Variants in MDGA2 observed in about 807,000 individuals in gnomAD.
The protein encoded by MDGA2 is MAM domain containing glycosylphosphatidylinositol anchor 2.
A neutral mutation model predicts 117.8 loss-of-function variants in MDGA2; 40 were observed. The observed-to-expected ratio is 0.34, with a 90% CI of 0.26 to 0.44. The LOEUF (loss-of-function observed/expected upper bound fraction) is 0.44. MDGA2 is among the 20% of genes least tolerant of loss of function. The pLI is 1.00. For missense variants in MDGA2, 1,123 were observed against 1,250.6 expected, an observed-to-expected ratio of 0.90 and a Z score of 1.54; for synonymous variants, 452 against 439.0, an observed-to-expected ratio of 1.03 and a Z score of -0.37.
At chr14:47,098,331 T>A (rs959084123) in intron 5 of MDGA2, among the ~76,000 whole-genome samples, 1 of 150,026 alleles carries the variant, frequency 6.7e-6, no homozygotes. Context: ...GGGAAAGACA[T>A]GAAGTGCCTG....
At chr14:47,423,908 T>C (rs781374602) in intron 1 of MDGA2, among the ~76,000 whole-genome samples, 38 of 152,074 alleles carry the variant, frequency 2.5e-4, no homozygotes, top group Non-Finnish European at 4.4e-4. Context: ...GCCTCCCGGG[T>C]TCAGGCGATT....
intron 1 of MDGA2, among the ~76,000 whole-genome samples, chr14:47,593,744 G>A (rs754142629): frequency 1.3e-5 from 2 of 152,082 alleles, no homozygotes; most frequent in Non-Finnish European, 2.9e-5. Flanking sequence ...GGGAGGGTGA[G>A]CATCAGGATA....
intron 1 of MDGA2, among the ~76,000 whole-genome samples, chr14:47,341,569 C>A (rs545936061): frequency 6.6e-6 from 1 of 152,110 alleles, no homozygotes; most frequent in African/African-American, 2.4e-5. Flanking sequence ...TAGGAAGTTA[C>A]TTCAATGCAA....
intron 1 of MDGA2, among the ~76,000 whole-genome samples, chr14:47,521,537 C>T (rs574322331): frequency 6.6e-6 from 1 of 152,208 alleles, no homozygotes; most frequent in East Asian, 1.9e-4. Flanking sequence ...AATAATTTGT[C>T]CAAAGCACCA....
At chr14:47,392,824 A>C (rs1003273033) in intron 1 of MDGA2, among the ~76,000 whole-genome samples, 2 of 152,158 alleles carry the variant, frequency 1.3e-5, no homozygotes, top group Non-Finnish European at 2.9e-5. Context: ...CATAAAACAC[A>C]TAAGTCTGTT....
At position 47,101,121 on chromosome 14, in the gene MDGA2, AT is replaced by A. The variant is rs1232789737; in HGVS notation, c.926-3999del. Among the ~76,000 whole-genome samples the A allele has an allele frequency of 2.9e-3, 235 of 81,616 alleles. 3 individuals carry two copies. The highest frequency in any genetic ancestry group is 3.5e-3 in the Admixed American group (34 of 9,614). The allele number at this position is 81,616 out of a possible 152,430, so 53.5% of individuals were successfully genotyped here. The stretch of plus-strand genomic sequence containing the variant: ...GATAGATAGATAGATAGATAGATAG[AT>A]AGACAGATAGATAGAAAGAAATTGG... On this transcript the variant is annotated intron_variant, in intron 5 of 16. Coordinates refer to ENST00000399232, the MANE Select transcript of MDGA2 (RefSeq NM_001113498.3).
chr14:47,523,330 C>T (rs1894907505), intron 1 of MDGA2, among the ~76,000 whole-genome samples: 1 of 152,178 alleles, frequency 6.6e-6, no homozygotes, highest in African/African-American at 2.4e-5. Flanking sequence ...AAGTTCAACA[C>T]AAAAAGTAGA....
intron 1 of MDGA2, among the ~76,000 whole-genome samples, chr14:47,512,963 C>T (rs1365470336): frequency 6.9e-6 from 1 of 144,824 alleles, no homozygotes; most frequent in Non-Finnish European, 1.5e-5. Context: ...AATATCCTTA[C>T]ATTCACAAAG....
intron 3 of MDGA2, among the ~76,000 whole-genome samples, chr14:47,155,885 C>CTTTTTTTTTTTTTTTT (rs1883353082): frequency 2.5e-5 from 2 of 80,444 alleles, no homozygotes; most frequent in African/African-American, 8.7e-5. Context: ...TCTTCTTCTT[C>CTTTTTTTTTTTTTTTT]TTCTTTTTTT....
chr14:46,882,791 G>C (rs190861301), intron 10 of MDGA2, among the ~76,000 whole-genome samples: 6 of 151,780 alleles, frequency 4.0e-5, no homozygotes, highest in Non-Finnish European at 2.9e-5. Flanking sequence ...TAGTGGGAAG[G>C]CTGGAAAGGG....
At position 47,079,727 on chromosome 14, in the gene MDGA2, A is replaced by ATTTT. The variant is rs35801678; in HGVS notation, c.1195+17123_1195+17126dup. Among the ~76,000 whole-genome samples the ATTTT allele has an allele frequency of 2.0e-3, 162 of 80,050 alleles. 8 individuals are homozygous for ATTTT. Among genetic ancestry groups the ATTTT allele is most frequent in the Admixed American group, 2.9e-3 (17 of 5,946 alleles). The allele number at this position is 80,050 out of a possible 152,430, so 52.5% of individuals were successfully genotyped here. ...ATTTGTTTCAGCCGATTTTCTACTA[A>ATTTT]TTTTTTTTTTTTTTTTTTTTTTGAG... On this transcript the variant is annotated intron_variant, in intron 6 of 16. Coordinates refer to ENST00000399232, the MANE Select transcript of MDGA2 (RefSeq NM_001113498.3).
At chr14:47,275,015 T>G (rs1053597065) in intron 2 of MDGA2, among the ~76,000 whole-genome samples, 3 of 147,558 alleles carry the variant, frequency 2.0e-5, no homozygotes, top group Admixed American at 2.0e-4. Context: ...TGTGAGGTGT[T>G]GCTTCACTTT....
intron 1 of MDGA2, among the ~76,000 whole-genome samples, chr14:47,464,678 G>C (rs1893563060): frequency 6.6e-6 from 1 of 152,188 alleles, no homozygotes; most frequent in East Asian, 1.9e-4. Flanking sequence ...AAAGAAATCA[G>C]AGATGACACA....
At position 47,369,282 on chromosome 14, in the gene MDGA2, C is replaced by G. The variant is rs1472922498; in HGVS notation, c.281-67732G>C. Reference sequence around the variant, plus strand: ...ATGATATCATTTATTTAATTCCACTCCAAATTTTAAACAATTTTTAGAACT... The same window carrying G: ...ATGATATCATTTATTTAATTCCACTGCAAATTTTAAACAATTTTTAGAACT... On this transcript the variant is annotated intron_variant, in intron 1 of 16. Coordinates refer to ENST00000399232, the MANE Select transcript of MDGA2 (RefSeq NM_001113498.3). Among the ~76,000 whole-genome samples the G allele has an allele frequency of 4.0e-5, 6 of 151,462 alleles. No homozygotes were observed. The East Asian group carries it at 1.2e-3, about 29-fold the overall frequency.
chr14:47,423,036 A>G (rs1383905037), intron 1 of MDGA2, among the ~76,000 whole-genome samples: 1 of 152,130 alleles, frequency 6.6e-6, no homozygotes, highest in African/African-American at 2.4e-5. Context: ...TTTCTCTTCT[A>G]TGTATGTGGA....
intron 10 of MDGA2, 96 bp downstream of exon 10, chr14:46,919,916 T>G (rs547260128): frequency 9.2e-7 from 1 of 1,084,382 alleles, no homozygotes; most frequent in African/African-American, 1.6e-5. Flanking sequence ...ACATAAAATA[T>G]ATTTTGGAAT....
intron 1 of MDGA2, among the ~76,000 whole-genome samples, chr14:47,311,466 C>G (rs1889631899): frequency 6.6e-6 from 1 of 152,086 alleles, no homozygotes; most frequent in East Asian, 1.9e-4. Flanking sequence ...CTGTGACTAG[C>G]CCCATGGACA....
intron 14 of MDGA2, among the ~76,000 whole-genome samples, chr14:46,858,296 GTTTCTC>G (rs1434747827): frequency 1.3e-5 from 2 of 150,272 alleles, no homozygotes; most frequent in Non-Finnish European, 3.0e-5. Flanking sequence ...CTTTAGTATA[GTTTCTC>G]TTTCTCTGCT....
Position 47,149,364 on chromosome 14 carries a change from C to T in MDGA2, c.596-5090G>A, listed in dbSNP as rs143891466. 6.7e-3 allele frequency among the ~76,000 whole-genome samples: 1,016 copies of T among 152,154 alleles called. 11 individuals carry two copies. The highest frequency in any genetic ancestry group is 0.024 in the African/African-American group (976 of 41,514). Reference sequence around the variant, plus strand: ...CAACTAAGAACTACCTCCTAGCCTCCATTATTTTGAAAACCTGTCATCCCC... The same window carrying T: ...CAACTAAGAACTACCTCCTAGCCTCTATTATTTTGAAAACCTGTCATCCCC... On this transcript the variant is annotated intron_variant, in intron 3 of 16. Transcript: ENST00000399232.
Sources: allele counts gnomAD v4.1 joint callset (sites outside exome capture counted in the v4.1 genomes callset), GRCh38; gene constraint gnomAD v4.1.1; transcripts MANE v1.5; gene names NCBI Gene and HGNC (gene_info 2026-07-23, HGNC 2026-07-21).